The following LRRC4C variants were observed in gnomAD, a reference collection of about 807,000 sequenced individuals.
The protein encoded by LRRC4C is leucine rich repeat containing 4C.
LRRC4C carries 5 observed loss-of-function variants against 33.6 expected under a neutral mutation model. That is an observed-to-expected ratio of 0.15 (90% CI 0.08 to 0.31). LRRC4C has a LOEUF of 0.31. LRRC4C is among the 10% of genes least tolerant of loss of function. LRRC4C has a pLI of 1.00. For synonymous variants in LRRC4C, 329 were observed against 302.0 expected (o/e 1.09, Z -0.93); for missense variants, 560 against 796.7 (o/e 0.70, Z 3.58).
chr11:40,496,746 G>A (rs879284779), intron 3 of LRRC4C, among the ~76,000 whole-genome samples: 3 of 152,272 alleles, frequency 2.0e-5, no homozygotes, highest in Non-Finnish European at 2.9e-5. Flanking sequence ...GAAACCATGT[G>A]TTTAGATGAG....
At chr11:40,208,142 C>T (rs1399718155) in intron 5 of LRRC4C, among the ~76,000 whole-genome samples, 2 of 152,086 alleles carry the variant, frequency 1.3e-5, no homozygotes, top group Admixed American at 6.6e-5. Flanking sequence ...GACCCTTATG[C>T]ACATATAAAA....
intron 1 of LRRC4C, among the ~76,000 whole-genome samples, chr11:41,166,202 T>C (rs544726521): frequency 6.6e-6 from 1 of 152,152 alleles, no homozygotes; most frequent in Non-Finnish European, 1.5e-5. Flanking sequence ...TATTAAGTTT[T>C]CAGCACAGAG....
intron 1 of LRRC4C, among the ~76,000 whole-genome samples, chr11:41,310,286 A>G (rs888247354): frequency 6.6e-6 from 1 of 152,236 alleles, no homozygotes; most frequent in African/African-American, 2.4e-5. Flanking sequence ...CAAAGAGGAA[A>G]TGTTTTAAGG....
In LRRC4C at chr11:40,135,805, C is replaced by T. The variant is rs1048043347; in HGVS notation, c.-43+4996G>A. Among the ~76,000 whole-genome samples the T allele has an allele frequency of 2.6e-5, 4 of 152,312 alleles. No homozygotes were observed. In the East Asian group the frequency reaches 7.7e-4, roughly 29 times the overall value. On this transcript the variant is annotated intron_variant, in intron 6 of 6. Coordinates refer to ENST00000528697, the MANE Select transcript of LRRC4C (RefSeq NM_001258419.2). ...GCAAGTTACTTAAACTTTCCATACC[C>T]ATCTGTAAAGTGAGGACAGAATGTT...
intron 1 of LRRC4C, among the ~76,000 whole-genome samples, chr11:41,301,722 C>A (rs1322998663): frequency 6.6e-6 from 1 of 152,088 alleles, no homozygotes; most frequent in Non-Finnish European, 1.5e-5. Flanking sequence ...CAAAAACTCC[C>A]CCCAATTTCA....
chr11:40,643,371 C>T (rs1591356197), intron 3 of LRRC4C, among the ~76,000 whole-genome samples: 2 of 152,246 alleles, frequency 1.3e-5, no homozygotes, highest in South Asian at 4.2e-4. Context: ...CTACCTTCAC[C>T]CGGCTATGAC....
intron 1 of LRRC4C, among the ~76,000 whole-genome samples, chr11:41,226,023 G>A (rs1947519218): frequency 6.6e-6 from 1 of 152,196 alleles, no homozygotes; most frequent in African/African-American, 2.4e-5. Flanking sequence ...TACTAGCAGT[G>A]GTTTAATGAT....
chr11:40,260,364 T>C (rs1867605261), intron 4 of LRRC4C, among the ~76,000 whole-genome samples: 1 of 139,028 alleles, frequency 7.2e-6, no homozygotes, highest in Non-Finnish European at 1.5e-5. Flanking sequence ...TGAGAACACA[T>C]GGACACAGGA....
intron 3 of LRRC4C, among the ~76,000 whole-genome samples, chr11:40,602,459 G>T (rs1960113989): frequency 6.6e-6 from 1 of 151,938 alleles, no homozygotes; most frequent in African/African-American, 2.4e-5. Context: ...CCCAAAAGGG[G>T]TATATTTTTA....
chr11:41,153,920 A>G (rs1944111292), intron 1 of LRRC4C, among the ~76,000 whole-genome samples: 1 of 152,126 alleles, frequency 6.6e-6, no homozygotes, highest in Admixed American at 6.6e-5. Flanking sequence ...TATTTGACCT[A>G]CAGAAGAGAA....
chr11:40,454,888 C>T (rs1952061283), intron 3 of LRRC4C, among the ~76,000 whole-genome samples: 1 of 151,936 alleles, frequency 6.6e-6, no homozygotes, highest in Non-Finnish European at 1.5e-5. Flanking sequence ...TAGTTTTTAT[C>T]AGTAATAAAG....
intron 1 of LRRC4C, among the ~76,000 whole-genome samples, chr11:41,235,558 A>G (rs1056814546): frequency 6.6e-6 from 1 of 152,080 alleles, no homozygotes. Context: ...CTCTCCCTCT[A>G]TCCCTTAAAA....
chr11:41,386,658 T>C (rs1010413908), intron 1 of LRRC4C, among the ~76,000 whole-genome samples: 5 of 151,788 alleles, frequency 3.3e-5, no homozygotes, highest in African/African-American at 1.2e-4. Flanking sequence ...ATCTTCTACA[T>C]TTCTGTAGCT....
chr11:40,755,654 G>C (rs1465819872), intron 2 of LRRC4C, among the ~76,000 whole-genome samples: 2 of 152,006 alleles, frequency 1.3e-5, no homozygotes, highest in African/African-American at 4.8e-5. Context: ...GGCCAGGAGT[G>C]CTGCTAAATG....
intron 3 of LRRC4C, among the ~76,000 whole-genome samples, chr11:40,520,578 A>G (rs562750669): frequency 6.6e-6 from 1 of 152,330 alleles, no homozygotes; most frequent in South Asian, 2.1e-4. Context: ...GGCTATTTAT[A>G]TGGGTTTGTG....
intron 3 of LRRC4C, among the ~76,000 whole-genome samples, chr11:40,520,628 C>G (rs1305874459): frequency 6.6e-6 from 1 of 152,080 alleles, no homozygotes; most frequent in African/African-American, 2.4e-5. Context: ...AAGATCAGTA[C>G]TCTAAGAGCA....
At position 40,338,623 on chromosome 11, in the gene LRRC4C, G is replaced by A. The variant is rs561930402; in HGVS notation, c.-269-18902C>T. 1.1e-4 allele frequency among the ~76,000 whole-genome samples: 17 copies of A among 152,144 alleles called. No individual in the cohort carries two copies. In the South Asian group the frequency reaches 2.7e-3, roughly 24 times the overall value. On this transcript the variant is annotated intron_variant, in intron 3 of 6. Transcript: ENST00000528697. The stretch of plus-strand genomic sequence containing the variant: ...TATCTTGTACACTCACACTAATCTC[G>A]TTCCTCAGAAAAACTTCTTTTGGTA...
intron 3 of LRRC4C, among the ~76,000 whole-genome samples, chr11:40,462,128 A>G (rs1460299503): frequency 6.6e-6 from 1 of 152,078 alleles, no homozygotes; most frequent in Admixed American, 6.6e-5. Flanking sequence ...TCATCTTAAC[A>G]CTGAAGTTTA....
At chr11:40,746,568 G>A (rs898490719) in intron 2 of LRRC4C, among the ~76,000 whole-genome samples, 1 of 152,148 alleles carries the variant, frequency 6.6e-6, no homozygotes, top group African/African-American at 2.4e-5. Flanking sequence ...CCTAACCTGA[G>A]CATTCTGCTA....
Sources: gnomAD v4.1 joint callset for allele counts (sites outside exome capture counted in the v4.1 genomes callset) on GRCh38, gnomAD v4.1.1 for gene constraint, MANE v1.5 for transcripts, NCBI Gene and HGNC (gene_info 2026-07-23, HGNC 2026-07-21) for gene names.